Variants in KCNH8 observed in about 807,000 individuals in gnomAD.
KCNH8 encodes potassium voltage-gated channel subfamily H member 8.
In KCNH8, 70 loss-of-function variants were observed where a neutral mutation model predicts 103.6. The ratio of observed to expected loss-of-function variants is 0.68; its 90% confidence interval spans 0.56 to 0.82. The LOEUF (loss-of-function observed/expected upper bound fraction) is 0.82, where lower values mean the gene tolerates loss of function less well. Among genes scored for constraint, KCNH8 ranks in the 40% least tolerant of loss-of-function variants. The pLI is 0.00. For synonymous variants in KCNH8, 498 were observed against 489.4 expected, an observed-to-expected ratio of 1.02 and a Z score of -0.23; for missense variants, 1,217 against 1,329.9, an observed-to-expected ratio of 0.92 and a Z score of 1.32.
intron 3 of KCNH8, among the ~76,000 whole-genome samples, chr3:19,297,687 G>A (rs552405918): frequency 1.3e-5 from 2 of 152,288 alleles, no homozygotes; most frequent in African/African-American, 4.8e-5. Context: ...AAACCTCTCA[G>A]AAGTATGCTG....
intron 5 of KCNH8, among the ~76,000 whole-genome samples, chr3:19,369,507 GC>G (rs1235883710): frequency 6.6e-6 from 1 of 151,608 alleles, no homozygotes; most frequent in Non-Finnish European, 1.5e-5. Context: ...AGATTGTTTC[GC>G]CACCTAGCAT....
chr3:19,237,685 C>G (rs2064083268), intron 1 of KCNH8, among the ~76,000 whole-genome samples: 1 of 152,114 alleles, frequency 6.6e-6, no homozygotes, highest in Non-Finnish European at 1.5e-5. Flanking sequence ...GTGAAAATAG[C>G]AAGACTGAGA....
At chr3:19,467,649 A>C (rs1044238966) in intron 11 of KCNH8, among the ~76,000 whole-genome samples, 1 of 152,196 alleles carries the variant, frequency 6.6e-6, no homozygotes, top group African/African-American at 2.4e-5. Context: ...CTACCTGACC[A>C]TGACAAATGA....
intron 11 of KCNH8, among the ~76,000 whole-genome samples, chr3:19,509,858 A>G (rs944745106): frequency 6.6e-6 from 1 of 152,192 alleles, no homozygotes; most frequent in African/African-American, 2.4e-5. Flanking sequence ...CGTTCAGGCA[A>G]AAAGAGAAGT....
intron 7 of KCNH8, among the ~76,000 whole-genome samples, chr3:19,423,623 A>T (rs2066982956): frequency 7.0e-6 from 1 of 142,858 alleles, no homozygotes; most frequent in Non-Finnish European, 1.5e-5. Flanking sequence ...TTGTGTGGTT[A>T]AGTAATATTC....
rs746992706 is a variant in KCNH8 at position 19,253,824 on chromosome 3, A to G, written c.247A>G (p.Ile83Val). 6.2e-7 allele frequency: 1 copy of G among 1,613,792 alleles called. No homozygotes were observed. Among genetic ancestry groups the G allele is most frequent in the Non-Finnish European group, 8.5e-7 (1 of 1,179,892 alleles). ...AACCAATGAGCAACTGATGCTTCAA[A>G]TAGAAAAGTCACTGGAGGAGAAAAC... ...VETNEQLMLQ[I>V]EKSLEEKTEF... Residue 83 changes from isoleucine (I) to valine (V), a missense_variant, in exon 2 of 16, where the codon ATA (isoleucine) becomes GTA (valine). Physicochemically the swap from Ile to Val is conservative, Grantham distance 29. Coordinates refer to ENST00000328405, the MANE Select transcript of KCNH8 (RefSeq NM_144633.3).
chr3:19,411,441 C>T (rs968496477), intron 7 of KCNH8, among the ~76,000 whole-genome samples: 4 of 151,936 alleles, frequency 2.6e-5, no homozygotes, highest in South Asian at 2.1e-4. Context: ...AAACTTTCCC[C>T]TTGAGAATTA....
intron 11 of KCNH8, among the ~76,000 whole-genome samples, chr3:19,501,179 A>G (rs911194215): frequency 2.1e-4 from 32 of 151,928 alleles, no homozygotes; most frequent in Admixed American, 5.2e-4. Flanking sequence ...AAATCTAGAA[A>G]AAATGGATAA....
At chr3:19,215,492 G>C (rs1457128175) in intron 1 of KCNH8, among the ~76,000 whole-genome samples, 1 of 152,168 alleles carries the variant, frequency 6.6e-6, no homozygotes, top group Non-Finnish European at 1.5e-5. Context: ...ATTTTCAGAT[G>C]CTCTAAAACA....
chr3:19,280,792 C>T (rs1559456809), intron 2 of KCNH8, among the ~76,000 whole-genome samples: 2 of 151,928 alleles, frequency 1.3e-5, no homozygotes, highest in Admixed American at 1.3e-4. Flanking sequence ...TTTAAATTGA[C>T]TAAATAAACC....
rs563762637 is a variant in KCNH8, at chr3:19,240,567, G to A, written c.77-13087G>A. On this transcript the variant is annotated intron_variant, in intron 1 of 15. Transcript: ENST00000328405. ...GCGGAGGTTGCGGTGAGCCGAGATCGTGCCACTGTACTCCAGCCTGGGCAA... is the reference window on the plus strand; with the variant it reads ...GCGGAGGTTGCGGTGAGCCGAGATCATGCCACTGTACTCCAGCCTGGGCAA... Among the ~76,000 whole-genome samples the A allele has an allele frequency of 2.9e-4, 44 of 150,912 alleles. 3 individuals are homozygous for A. In the South Asian group the frequency reaches 2.9e-3, roughly 10 times the overall value.
At chr3:19,443,880 T>C (rs2067320758) in intron 8 of KCNH8, among the ~76,000 whole-genome samples, 1 of 151,984 alleles carries the variant, frequency 6.6e-6, no homozygotes, top group South Asian at 2.1e-4. Context: ...AAAACATTAG[T>C]GAGAAAATAA....
At chr3:19,216,498 T>C (rs550020963) in intron 1 of KCNH8, among the ~76,000 whole-genome samples, 1 of 152,360 alleles carries the variant, frequency 6.6e-6, no homozygotes, top group African/African-American at 2.4e-5. Flanking sequence ...ATCTCCAGTA[T>C]CATGGTCCTT....
At chr3:19,495,977 C>T (rs76681099) in intron 11 of KCNH8, among the ~76,000 whole-genome samples, 6,677 of 152,110 alleles carry the variant, frequency 0.044, 351 homozygotes, top group East Asian at 0.26. Context: ...AATGAGATTA[C>T]ATTCTTGATT....
At position 19,390,575 on chromosome 3, in the gene KCNH8, G is replaced by T. The variant is rs1559304350; in HGVS notation, c.906G>T (p.Trp302Cys). 1.2e-6 allele frequency: 2 copies of T among 1,613,360 alleles called. No homozygotes were observed. The highest frequency in any genetic ancestry group is 1.1e-5 in the South Asian group (1 of 91,056). Reference protein sequence around the residue: ...RSICIHYVTTWFIIDLIAALP... With the variant: ...RSICIHYVTTCFIIDLIAALP... ...TTTGCATCCACTATGTCACAACCTGGTTCATCATTGATTTAATCGCTGCCC... is the reference window on the plus strand; with the variant it reads ...TTTGCATCCACTATGTCACAACCTGTTTCATCATTGATTTAATCGCTGCCC... The change falls in exon 6 of 16, where the codon TGG becomes TGT. Residue 302 changes from tryptophan to cysteine, a missense_variant. Trp to Cys is a radical substitution (Grantham distance 215). Coordinates refer to ENST00000328405, the MANE Select transcript of KCNH8 (RefSeq NM_144633.3).
intron 1 of KCNH8, among the ~76,000 whole-genome samples, chr3:19,171,146 G>A (rs771506830): frequency 1.4e-4 from 21 of 152,130 alleles, no homozygotes; most frequent in Non-Finnish European, 2.9e-4. Flanking sequence ...TGGCCACATA[G>A]TCTCTTTCTT....
chr3:19,505,068 T>C (rs1020385126), intron 11 of KCNH8, among the ~76,000 whole-genome samples: 4 of 147,308 alleles, frequency 2.7e-5, no homozygotes, highest in Non-Finnish European at 4.4e-5. Context: ...ACAATCTCTA[T>C]ATATGTATAT....
intron 1 of KCNH8, among the ~76,000 whole-genome samples, chr3:19,149,014 T>C (rs943218557): frequency 6.6e-6 from 1 of 152,084 alleles, no homozygotes; most frequent in Admixed American, 6.5e-5. Flanking sequence ...AGTTCTTGGG[T>C]TTGTTAAGGA....
At chr3:19,407,468 G>A (rs941196185) in intron 7 of KCNH8, among the ~76,000 whole-genome samples, 1 of 152,024 alleles carries the variant, frequency 6.6e-6, no homozygotes, top group African/African-American at 2.4e-5. Context: ...TCTCCAGTAA[G>A]TTGGAACATC....
Sources: gnomAD v4.1 joint callset for allele counts (sites outside exome capture counted in the v4.1 genomes callset) on GRCh38, gnomAD v4.1.1 for gene constraint, MANE v1.5 for transcripts, NCBI Gene and HGNC (gene_info 2026-07-23, HGNC 2026-07-21) for gene names.